Variants in MLIP observed in about 807,000 individuals in gnomAD.
MLIP encodes the protein muscular LMNA-interacting protein.
Under a neutral mutation model 84.8 loss-of-function variants are expected in MLIP, and 79 were observed. The ratio of observed to expected loss-of-function variants is 0.93; its 90% CI spans 0.78 to 1.12. MLIP has a LOEUF of 1.12. Among genes scored for constraint, MLIP ranks in the 50% most tolerant of loss-of-function variants. MLIP has a pLI of 0.00. For missense variants in MLIP, 1,257 were observed against 1,160.6 expected, an observed-to-expected ratio of 1.08 and a Z score of -1.21; for synonymous variants, 504 against 463.0, an observed-to-expected ratio of 1.09 and a Z score of -1.14.
chr6:54,229,213 A>G (rs1329017591), intron 11 of MLIP, among the ~76,000 whole-genome samples: 1 of 152,242 alleles, frequency 6.6e-6, no homozygotes, highest in East Asian at 1.9e-4. Context: ...AATCAGTACG[A>G]TAATTCAGTA....
At chr6:54,027,167 A>G (rs1246022074) in intron 1 of MLIP, among the ~76,000 whole-genome samples, 1 of 152,208 alleles carries the variant, frequency 6.6e-6, no homozygotes. Flanking sequence ...GTACTGATCA[A>G]TTAAATTGCA....
chr6:54,087,708 CT>C (rs553287680), intron 1 of MLIP, among the ~76,000 whole-genome samples: 27 of 152,046 alleles, frequency 1.8e-4, no homozygotes, highest in Middle Eastern at 6.8e-3. Flanking sequence ...ATTACTTTGT[CT>C]AAATAAAATA....
intron 1 of MLIP, among the ~76,000 whole-genome samples, chr6:54,112,630 T>C (rs1455746540): frequency 6.6e-6 from 1 of 151,866 alleles, no homozygotes; most frequent in Non-Finnish European, 1.5e-5. Flanking sequence ...GTTTCTGTGT[T>C]TTCTGGAATC....
intron 12 of MLIP, among the ~76,000 whole-genome samples, chr6:54,247,967 T>A (rs1458392038): frequency 1.3e-5 from 2 of 152,080 alleles, no homozygotes; most frequent in East Asian, 3.9e-4. Context: ...TCTGTTGATA[T>A]TACACCTGGG....
At chr6:54,095,865 T>A (rs922419663) in intron 1 of MLIP, among the ~76,000 whole-genome samples, 1 of 152,180 alleles carries the variant, frequency 6.6e-6, no homozygotes, top group African/African-American at 2.4e-5. Flanking sequence ...GCAAGTTTTC[T>A]TCCTTGGAAG....
At position 54,104,676 on chromosome 6, in the gene MLIP, C is replaced by T. The variant is rs9395903; in HGVS notation, c.64-16771C>T. 5.9e-4 allele frequency among the ~76,000 whole-genome samples: 90 copies of T among 152,254 alleles called. No homozygotes were observed. The East Asian group carries it at 7.7e-3, about 13-fold the overall frequency. On this transcript the variant is annotated intron_variant, in intron 1 of 12. Transcript: ENST00000274897. Reference sequence around the variant, plus strand: ...ATTCTGCTCTCTTCCCAGCCAAGACCACAAATAGAATTTTATTTAGTAATT... The same window carrying T: ...ATTCTGCTCTCTTCCCAGCCAAGACTACAAATAGAATTTTATTTAGTAATT...
chr6:54,042,151 T>C (rs1300798224), intron 1 of MLIP, among the ~76,000 whole-genome samples: 2 of 152,146 alleles, frequency 1.3e-5, no homozygotes, highest in Non-Finnish European at 2.9e-5. Context: ...TTACTCAACT[T>C]CTTTCCCAAC....
chr6:54,213,793 T>G (rs199994516), intron 11 of MLIP, among the ~76,000 whole-genome samples: 5 of 20,514 alleles, frequency 2.4e-4, no homozygotes, highest in South Asian at 5.4e-3. Flanking sequence ...CAAAAAAAAG[T>G]TTTTTTTTAA....
intron 8 of MLIP, among the ~76,000 whole-genome samples, chr6:54,162,458 C>T (rs946411620): frequency 6.6e-6 from 1 of 151,808 alleles, no homozygotes; most frequent in African/African-American, 2.4e-5. Context: ...GCTTGGATTC[C>T]AAAGAAAATG....
chr6:54,179,725 T>C (rs1776659454), intron 9 of MLIP, among the ~76,000 whole-genome samples: 1 of 152,160 alleles, frequency 6.6e-6, no homozygotes, highest in Non-Finnish European at 1.5e-5. Context: ...CCCTGCTTTT[T>C]AACTTTTTGT....
intron 1 of MLIP, among the ~76,000 whole-genome samples, chr6:54,060,985 C>CT (rs78569538): frequency 0.023 from 3,000 of 128,002 alleles, 28 homozygotes; most frequent in African/African-American, 0.032. Flanking sequence ...TTTACTGTTT[C>CT]TTTTTTTTTT....
chr6:54,136,743 A>G lies in MLIP; in HGVS notation c.674A>G (p.Gln225Arg), dbSNP rs1318576311. Residue 225 changes from glutamine (Q) to arginine (R), a missense_variant, in exon 4 of 14, where the codon CAG becomes CGG. Gln to Arg is a conservative substitution (Grantham distance 43). Coordinates refer to ENST00000502396, the MANE Select transcript of MLIP (RefSeq NM_001281747.2). ...ACTTCTTCTCCCACTACCTCTGAGC[A>G]GCTTGCCTGTAAACCACCTGCTTTC... ...QLTSSPTTSEQLACKPPAFSF... is the reference protein window; with the variant it reads ...QLTSSPTTSERLACKPPAFSF... The G allele has an allele frequency of 1.3e-6, 2 of 1,509,132 alleles. No homozygotes were observed. The highest frequency in any genetic ancestry group is 2.5e-5 in the East Asian group (1 of 40,264). The allele number at this position is 1,509,132 out of a possible 1,614,324, so 93.5% of individuals were successfully genotyped here. A position where few individuals can be genotyped will look rare whatever the true frequency, so the allele number is the denominator to read the frequency against.
chr6:54,048,753 A>G (rs1765215275), intron 1 of MLIP, among the ~76,000 whole-genome samples: 1 of 152,152 alleles, frequency 6.6e-6, no homozygotes, highest in Non-Finnish European at 1.5e-5. Context: ...ATCTGTGGGT[A>G]GGAGGCTGGG....
At chr6:54,079,288 A>G (rs1037996246) in intron 1 of MLIP, among the ~76,000 whole-genome samples, 1 of 152,182 alleles carries the variant, frequency 6.6e-6, no homozygotes, top group Admixed American at 6.5e-5. Context: ...CTCCTATGCC[A>G]TGTTACTAGC....
chr6:54,212,964 A>C (rs1378135754), intron 11 of MLIP, among the ~76,000 whole-genome samples: 1 of 152,212 alleles, frequency 6.6e-6, no homozygotes, highest in Non-Finnish European at 1.5e-5. Flanking sequence ...TAGGCAACCT[A>C]AAATTTAAGT....
At chr6:54,060,941 G>T (rs1165182473) in intron 1 of MLIP, among the ~76,000 whole-genome samples, 1 of 151,058 alleles carries the variant, frequency 6.6e-6, no homozygotes, top group African/African-American at 2.4e-5. Flanking sequence ...GAGATCTTGG[G>T]ATCTTAATTA....
intron 1 of MLIP, among the ~76,000 whole-genome samples, chr6:54,099,960 C>T (rs1295533157): frequency 1.3e-5 from 2 of 152,046 alleles, no homozygotes; most frequent in Non-Finnish European, 2.9e-5. Context: ...AAGAAAAGTG[C>T]TTTGGAGTAC....
intron 1 of MLIP, among the ~76,000 whole-genome samples, chr6:54,094,281 T>TAAA (rs5876356): frequency 6.7e-6 from 1 of 148,434 alleles, no homozygotes. Flanking sequence ...TGCTGTAAGA[T>TAAA]AAAAAAAAAA....
rs11363736 is a variant in MLIP at position 54,158,871 on chromosome 6, TAAA to T, written c.2290-1486_2290-1484del. The stretch of plus-strand genomic sequence containing the variant: ...ACACTCTCAGTTGCAAGAAGTATGA[TAAA>T]AAAAAAAAATTTTCAAAGGGAAATG... On this transcript the variant is annotated intron_variant, in intron 5 of 13. Coordinates refer to ENST00000502396, the MANE Select transcript of MLIP (RefSeq NM_001281747.2). 3.0e-3 allele frequency among the ~76,000 whole-genome samples: 454 copies of T among 150,808 alleles called. 6 individuals are homozygous for T. Among genetic ancestry groups the T allele is most frequent in the African/African-American group, 0.01 (416 of 41,198 alleles).
Sources: gnomAD v4.1 joint callset for allele counts (sites outside exome capture counted in the v4.1 genomes callset) on GRCh38, gnomAD v4.1.1 for gene constraint, MANE v1.5 for transcripts, NCBI Gene and HGNC (gene_info 2026-07-23, HGNC 2026-07-21) for gene names.